NPEPPS: variants seen among roughly 807,000 people sequenced by gnomAD.
NPEPPS encodes the protein aminopeptidase puromycin sensitive, also known as puromycin-sensitive aminopeptidase.
A neutral mutation model predicts 115.5 loss-of-function variants in NPEPPS; 14 were observed. The ratio of observed to expected loss-of-function variants is 0.12; its 90% CI spans 0.08 to 0.19. NPEPPS has a LOEUF of 0.19. Ranked by LOEUF, NPEPPS falls within the 10% of genes least tolerant of loss-of-function variation. The pLI is 1.00. For missense variants in NPEPPS, 523 were observed against 1,110.8 expected, an observed-to-expected ratio of 0.47 and a Z score of 7.52; for synonymous variants, 285 against 390.6, an observed-to-expected ratio of 0.73 and a Z score of 3.19.
At chr17:47,591,772 A>G (rs1208927909) in intron 10 of NPEPPS, 184 bp from the exon 11 acceptor site, 1 of 477,368 alleles carries the variant, frequency 2.1e-6, no homozygotes, top group East Asian at 3.6e-5. Context: ...GACAGGAATC[A>G]TGTTCTATTC....
At chr17:47,567,734 A>C (rs1433045396) in intron 2 of NPEPPS, among the ~76,000 whole-genome samples, 2 of 152,036 alleles carry the variant, frequency 1.3e-5, no homozygotes, top group African/African-American at 4.8e-5. Context: ...CTATGAATCT[A>C]CTTTCAGCCT....
chr17:47,538,416 G>T (rs1908487593), intron 1 of NPEPPS, among the ~76,000 whole-genome samples: 2 of 149,174 alleles, frequency 1.3e-5, no homozygotes, highest in Admixed American at 1.3e-4. Flanking sequence ...GTTTCGCCAT[G>T]TTAGCTAGGC....
chr17:47,619,066 A>G lies in NPEPPS; in HGVS notation c.2461A>G (p.Lys821Glu). The G allele has an allele frequency of 6.2e-7, 1 of 1,614,008 alleles. No individual in the cohort carries two copies. The highest frequency in any genetic ancestry group is 1.3e-5 in the African/African-American group (1 of 75,058). Residue 821 changes from lysine (K) to glutamate (E), a missense_variant, in exon 21 of 23, where the codon AAG becomes GAG. Physicochemically the swap from Lys to Glu is moderately conservative, Grantham distance 56. Around this residue, in one of 4 missense-constraint regions of NPEPPS, gnomAD observed 372 missense variants for 542.6 expected, o/e 0.69. Transcript: ENST00000322157. ...SVIGGVAGGSKHGRKAAWKFI... is the reference protein window; with the variant it reads ...SVIGGVAGGSEHGRKAAWKFI... ...AATTGGTGGAGTAGCTGGAGGCAGC[A>G]AGCATGGTAGGAAAGCTGCTTGGAA...
chr17:47,586,663 G>A (rs1202708626), intron 8 of NPEPPS: 1 of 554,364 alleles, frequency 1.8e-6, no homozygotes, highest in African/African-American at 1.9e-5. Context: ...CATTGCAGTA[G>A]TTTCATAGCT....
intron 1 of NPEPPS, among the ~76,000 whole-genome samples, chr17:47,525,659 A>G (rs1308826323): frequency 6.6e-6 from 1 of 152,028 alleles, no homozygotes; most frequent in Non-Finnish European, 1.5e-5. Flanking sequence ...TTTGTTTTTA[A>G]TCTTTTCTGT....
At chr17:47,541,668 C>A (rs141819921) in intron 1 of NPEPPS, among the ~76,000 whole-genome samples, 1 of 152,196 alleles carries the variant, frequency 6.6e-6, no homozygotes, top group Admixed American at 6.6e-5. Flanking sequence ...AGCCGTCGTG[C>A]CCAGCCATGT....
chr17:47,553,344 G>A (rs1327435605), intron 2 of NPEPPS, among the ~76,000 whole-genome samples: 2 of 151,120 alleles, frequency 1.3e-5, no homozygotes, highest in Admixed American at 6.6e-5. Context: ...TTGCACTCCA[G>A]CCTGGGGGAC....
Position 47,595,214 on chromosome 17 carries a change from A to G in NPEPPS, c.1427-1139A>G, listed in dbSNP as rs889132381. On this transcript the variant is annotated intron_variant, in intron 12 of 22. Transcript: ENST00000322157. Reference sequence around the variant, plus strand: ...CCAAAGTGCTGGGATTGCAGGTGTGAGCCACTGCACCCAGCCTAATTTTGT... The same window carrying G: ...CCAAAGTGCTGGGATTGCAGGTGTGGGCCACTGCACCCAGCCTAATTTTGT... 3.9e-5 allele frequency among the ~76,000 whole-genome samples: 6 copies of G among 152,226 alleles called. No individual in the cohort carries two copies. The East Asian group carries it at 9.7e-4, about 25-fold the overall frequency.
At chr17:47,568,853 C>T (rs1177746238) in intron 2 of NPEPPS, among the ~76,000 whole-genome samples, 2 of 151,336 alleles carry the variant, frequency 1.3e-5, no homozygotes, top group Admixed American at 6.6e-5. Flanking sequence ...CGGGGTTTCT[C>T]CGTGTTGGTC....
At chr17:47,565,693 G>A (rs1323995377) in intron 2 of NPEPPS, among the ~76,000 whole-genome samples, 1 of 151,730 alleles carries the variant, frequency 6.6e-6, no homozygotes, top group Non-Finnish European at 1.5e-5. Context: ...GGTGGTGGGC[G>A]CCTGTAGTCC....
At chr17:47,620,470 A>C (rs1252254704) in intron 22 of NPEPPS, among the ~76,000 whole-genome samples, 1 of 152,272 alleles carries the variant, frequency 6.6e-6, no homozygotes, top group South Asian at 2.1e-4. Context: ...TTTGTTAACC[A>C]TTTAGTTCAA....
intron 2 of NPEPPS, among the ~76,000 whole-genome samples, chr17:47,560,278 A>G (rs1910344583): frequency 6.6e-6 from 1 of 152,188 alleles, no homozygotes; most frequent in African/African-American, 2.4e-5. Flanking sequence ...CCACTTAATC[A>G]ATGGAAATCC....
chr17:47,539,602 C>G (rs1327217750), intron 1 of NPEPPS, among the ~76,000 whole-genome samples: 1 of 152,104 alleles, frequency 6.6e-6, no homozygotes, highest in African/African-American at 2.4e-5. Flanking sequence ...CTAGAAGTAA[C>G]TTCTTTCTTC....
intron 12 of NPEPPS, among the ~76,000 whole-genome samples, chr17:47,593,434 C>T (rs1912638399): frequency 1.3e-5 from 2 of 152,122 alleles, no homozygotes; most frequent in Non-Finnish European, 2.9e-5. Context: ...TGGTATGTGC[C>T]TGTAGTCCCA....
chr17:47,563,654 T>G (rs1399498559), intron 2 of NPEPPS, among the ~76,000 whole-genome samples: 1 of 151,828 alleles, frequency 6.6e-6, no homozygotes, highest in Non-Finnish European at 1.5e-5. Context: ...CGCTGCAAGC[T>G]CCGCCTCCCG....
upstream of NPEPPS, among the ~76,000 whole-genome samples, chr17:47,529,218 T>G (rs9891118): frequency 0.98 from 147,008 of 149,800 alleles, 72,149 homozygotes; most frequent in East Asian, 1. Context: ...ACACTTTAAA[T>G]AACATTTTTA....
At chr17:47,565,941 A>G (rs1226250449) in intron 2 of NPEPPS, among the ~76,000 whole-genome samples, 1 of 152,310 alleles carries the variant, frequency 6.6e-6, no homozygotes, top group Non-Finnish European at 1.5e-5. Flanking sequence ...CAGTCTGAAT[A>G]GTAAAAGAGG....
chr17:47,620,596 T>A (rs758091919), intron 22 of NPEPPS, among the ~76,000 whole-genome samples: 1 of 152,192 alleles, frequency 6.6e-6, no homozygotes, highest in Non-Finnish European at 1.5e-5. Context: ...TGCGATGGAA[T>A]GGAAAAAGAC....
At chr17:47,616,511 C>A (rs1914209367) in intron 19 of NPEPPS, among the ~76,000 whole-genome samples, 1 of 152,076 alleles carries the variant, frequency 6.6e-6, no homozygotes, top group Non-Finnish European at 1.5e-5. Context: ...TGGTGAAACC[C>A]TGTCTCTACT....
Sources: allele counts gnomAD v4.1 joint callset (sites outside exome capture counted in the v4.1 genomes callset), GRCh38; gene constraint gnomAD v4.1.1; regional missense constraint gnomAD v4.1.1; transcripts MANE v1.5; gene names NCBI Gene and HGNC (gene_info 2026-07-23, HGNC 2026-07-21).